ANKS1B: variants seen among roughly 807,000 people sequenced by gnomAD.
ANKS1B encodes ankyrin repeat and sterile alpha motif domain-containing protein 1B.
ANKS1B carries 36 observed loss-of-function variants against 148.3 expected under a neutral mutation model. The ratio of observed to expected loss-of-function variants is 0.24; its 90% CI spans 0.19 to 0.32. The LOEUF (loss-of-function observed/expected upper bound fraction) is 0.32, where lower values mean the gene tolerates loss of function less well. Among genes scored for constraint, ANKS1B ranks in the 10% least tolerant of loss-of-function variants. The probability of loss-of-function intolerance (pLI) is 1.00; values close to 1 mark genes in which losing one functional copy is unlikely to be tolerated. For missense variants in ANKS1B, 1,157 were observed against 1,542.6 expected, an observed-to-expected ratio of 0.75 and a Z score of 4.19; for synonymous variants, 542 against 560.8, an observed-to-expected ratio of 0.97 and a Z score of 0.47.
chr12:98,952,803 A>G (rs889231529), intron 17 of ANKS1B, among the ~76,000 whole-genome samples: 4 of 151,952 alleles, frequency 2.6e-5, no homozygotes, highest in African/African-American at 9.7e-5. Flanking sequence ...CTCAATCTAC[A>G]TTTTTCTACC....
At chr12:98,842,273 T>C (rs2099411095) in intron 17 of ANKS1B, among the ~76,000 whole-genome samples, 2 of 152,172 alleles carry the variant, frequency 1.3e-5, no homozygotes, top group South Asian at 4.1e-4. Context: ...ATACAGGCTA[T>C]AGCATCAACA....
rs1566991383 is a variant in ANKS1B at position 99,380,804 on chromosome 12, T to TTCCTTCCTTC, written c.1756+18826_1756+18827insGAAGGAAGGA. On this transcript the variant is annotated intron_variant, in intron 12 of 26. Transcript: ENST00000683438. ...TCCTTCCTTCCTTCCTTCCTTCCTT[T>TTCCTTCCTTC]CTCATGCTCCACAACAAACATTTGT... Among the ~76,000 whole-genome samples, 959 of 100,798 alleles carry TTCCTTCCTTC rather than the reference T, an allele frequency of 9.5e-3. 17 individuals are homozygous for TTCCTTCCTTC. Among genetic ancestry groups the TTCCTTCCTTC allele is most frequent in the African/African-American group, 0.033 (724 of 22,236 alleles). The allele number at this position is 100,798 out of a possible 152,430, so 66.1% of individuals were successfully genotyped here.
At chr12:99,164,828 T>C (rs1240919945) in intron 14 of ANKS1B, among the ~76,000 whole-genome samples, 1 of 152,086 alleles carries the variant, frequency 6.6e-6, no homozygotes, top group Non-Finnish European at 1.5e-5. Flanking sequence ...ATATTCCTCC[T>C]ATTTAAAGAG....
intron 1 of ANKS1B, among the ~76,000 whole-genome samples, chr12:99,902,258 G>T (rs1320755992): frequency 3.9e-5 from 6 of 152,124 alleles, no homozygotes; most frequent in African/African-American, 1.4e-4. Flanking sequence ...CACTCAAAGA[G>T]AACTGGAAGA....
chr12:98,935,547 C>T (rs924768686), intron 17 of ANKS1B, among the ~76,000 whole-genome samples: 9 of 152,112 alleles, frequency 5.9e-5, no homozygotes, highest in Non-Finnish European at 8.8e-5. Context: ...TGAGAAAGAT[C>T]GACATTAATT....
chr12:99,890,411 C>T (rs1012718786), intron 1 of ANKS1B, among the ~76,000 whole-genome samples: 2 of 152,164 alleles, frequency 1.3e-5, no homozygotes, highest in African/African-American at 4.8e-5. Flanking sequence ...GGCTTTCCAG[C>T]CTGCCTGGCA....
chr12:99,100,362 C>A lies in ANKS1B; in HGVS notation c.2527-15339G>T, dbSNP rs1379248747. 2.0e-5 allele frequency among the ~76,000 whole-genome samples: 3 copies of A among 152,300 alleles called. No individual in the cohort carries two copies. The East Asian group carries it at 5.8e-4, about 29-fold the overall frequency. ...CATTCACCCATTCAATCATTCCCTCCTTCACTCACACTATCATTTCACAAC... is the reference window on the plus strand; with the variant it reads ...CATTCACCCATTCAATCATTCCCTCATTCACTCACACTATCATTTCACAAC... On this transcript the variant is annotated intron_variant, in intron 15 of 26. Transcript: ENST00000683438.
At chr12:99,706,325 T>A (rs909548319) in intron 8 of ANKS1B, 2 of 151,944 alleles carry the variant, frequency 1.3e-5, no homozygotes, top group African/African-American at 4.8e-5. Context: ...ATGGTTGGGG[T>A]ACTGCTTTTT....
intron 1 of ANKS1B, among the ~76,000 whole-genome samples, chr12:99,979,907 A>T (rs1455438114): frequency 6.6e-6 from 1 of 152,064 alleles, no homozygotes; most frequent in East Asian, 1.9e-4. Context: ...CTTTGGGGAT[A>T]TAGCACAGTG....
At chr12:98,776,587 G>A (rs546904083) in intron 24 of ANKS1B, among the ~76,000 whole-genome samples, 12 of 152,298 alleles carry the variant, frequency 7.9e-5, no homozygotes, top group African/African-American at 2.9e-4. Flanking sequence ...CAGGATTCTC[G>A]GGTCCAGCTA....
chr12:99,907,004 G>A (rs1025847543), intron 1 of ANKS1B, among the ~76,000 whole-genome samples: 1 of 152,204 alleles, frequency 6.6e-6, no homozygotes, highest in African/African-American at 2.4e-5. Flanking sequence ...CCTGAAGGCA[G>A]AGCTTACACA....
chr12:99,586,531 G>A (rs2097642226), intron 9 of ANKS1B, among the ~76,000 whole-genome samples: 2 of 152,066 alleles, frequency 1.3e-5, no homozygotes, highest in African/African-American at 4.8e-5. Context: ...GTCTTCTTCT[G>A]AGCCCTCCAA....
chr12:99,922,589 C>T (rs2094385412), intron 1 of ANKS1B, among the ~76,000 whole-genome samples: 1 of 152,030 alleles, frequency 6.6e-6, no homozygotes, highest in Admixed American at 6.6e-5. Flanking sequence ...ACTGGACATA[C>T]AAAGAAGACA....
intron 8 of ANKS1B, among the ~76,000 whole-genome samples, chr12:99,705,091 A>G (rs1292029608): frequency 6.6e-6 from 1 of 152,104 alleles, no homozygotes; most frequent in African/African-American, 2.4e-5. Flanking sequence ...TCCATACCAG[A>G]TATGTCTGAA....
At chr12:98,960,880 CAG>C (rs1172855217) in intron 17 of ANKS1B, among the ~76,000 whole-genome samples, 1 of 151,994 alleles carries the variant, frequency 6.6e-6, no homozygotes, top group East Asian at 1.9e-4. Context: ...AAGAATGCAT[CAG>C]AGTCTCTTAG....
At chr12:98,949,509 T>C (rs1222725436) in intron 17 of ANKS1B, among the ~76,000 whole-genome samples, 1 of 152,186 alleles carries the variant, frequency 6.6e-6, no homozygotes, top group Non-Finnish European at 1.5e-5. Context: ...TGAGCCTCAT[T>C]GGTCCAAAGT....
intron 12 of ANKS1B, among the ~76,000 whole-genome samples, chr12:99,399,347 G>A (rs891287853): frequency 6.6e-6 from 1 of 152,130 alleles, no homozygotes; most frequent in African/African-American, 2.4e-5. Context: ...GCTGTGTGGT[G>A]AGGGGTAAAT....
chr12:98,944,914 TG>T (rs2099842749), intron 17 of ANKS1B, among the ~76,000 whole-genome samples: 1 of 152,208 alleles, frequency 6.6e-6, no homozygotes, highest in African/African-American at 2.4e-5. Flanking sequence ...GCCTTGCAGT[TG>T]TGCATATAAA....
intron 8 of ANKS1B, among the ~76,000 whole-genome samples, chr12:99,737,559 G>A (rs1601034054): frequency 6.6e-6 from 1 of 151,962 alleles, no homozygotes; most frequent in Non-Finnish European, 1.5e-5. Context: ...CCTTCAGTGG[G>A]TATTCCATAA....
Sources: allele counts gnomAD v4.1 joint callset (sites outside exome capture counted in the v4.1 genomes callset), GRCh38; gene constraint gnomAD v4.1.1; transcripts MANE v1.5; gene names NCBI Gene and HGNC (gene_info 2026-07-23, HGNC 2026-07-21).